Variants in GET4 observed in about 807,000 individuals in gnomAD.
The protein encoded by GET4 is Golgi to ER traffic protein 4 homolog.
In GET4, 20 loss-of-function variants were observed where a neutral mutation model predicts 40.0. The observed-to-expected ratio is 0.50, with a 90% CI of 0.35 to 0.73. GET4 has a LOEUF of 0.73. Ranked by LOEUF, GET4 falls within the 30% of genes least tolerant of loss-of-function variation. The probability of loss-of-function intolerance (pLI) is 0.01; values close to 1 mark genes in which losing one functional copy is unlikely to be tolerated. For missense variants in GET4, 557 were observed against 454.0 expected (o/e 1.23, Z -2.06); for synonymous variants, 280 against 194.6 (o/e 1.44, Z -3.65).
intron 1 of GET4, chr7:881,640 C>T (rs973203781): frequency 6.6e-6 from 1 of 152,078 alleles, no homozygotes; most frequent in Non-Finnish European, 1.5e-5. Flanking sequence ...TTATTTTAGC[C>T]TCGGGCAGGT....
At position 891,026 on chromosome 7, in the gene GET4, C is replaced by A. The variant is rs752030449; in HGVS notation, c.565C>A (p.Arg189Ser). ...GGAGTATTCCACGTCCCGCGGCTTC[C>A]GCAGCGAGGTGGACATGTTCGTGGC... is the stretch of plus-strand genomic sequence containing the variant. ...LVEYSTSRGF[R>S]SEVDMFVAQA... Residue 189 changes from arginine to serine, a missense_variant, in exon 5 of 9, where the codon CGC becomes AGC. Arg to Ser is a moderately radical substitution (Grantham distance 110, BLOSUM62 -1). Coordinates refer to ENST00000265857, the MANE Select transcript of GET4 (RefSeq NM_015949.3). The A allele has an allele frequency of 4.3e-6, 7 of 1,610,302 alleles. No individual in the cohort carries two copies. The highest frequency in any genetic ancestry group is 5.9e-6 in the Non-Finnish European group (7 of 1,177,142).
chr7:892,170 G>A, intron 5 of GET4, 108 bp from the exon 6 acceptor site: 1 of 1,166,908 alleles, frequency 8.6e-7, no homozygotes, highest in Non-Finnish European at 1.2e-6. Flanking sequence ...TTGGGCCGCA[G>A]GAACCGTGGG....
chr7:892,936 C>A (rs929814362), intron 6 of GET4, among the ~76,000 whole-genome samples: 3 of 148,604 alleles, frequency 2.0e-5, no homozygotes, highest in Non-Finnish European at 4.5e-5. Flanking sequence ...TGGGTATAGA[C>A]GTGGCATGGG....
rs1844142648 is a variant in GET4 at position 884,209 on chromosome 7, G to A, written c.156-1847G>A. 8 of 1,303,644 alleles carry A rather than the reference G, an allele frequency of 6.1e-6. No homozygotes were observed. The South Asian group carries it at 9.9e-5, about 16-fold the overall frequency. 80.8% of individuals were successfully genotyped at this position (1,303,644 alleles called of 1,614,324 possible). On this transcript the variant is annotated intron_variant, in intron 1 of 8. Transcript: ENST00000265857. Reference sequence around the variant, plus strand: ...TGCTTGCTCAGGGTCGGTGCATGCGGTTCTGCCCGTGGCCCCACTGGCGGC... The same window carrying A: ...TGCTTGCTCAGGGTCGGTGCATGCGATTCTGCCCGTGGCCCCACTGGCGGC...
At position 877,207 on chromosome 7, in the gene GET4, C is replaced by G. The variant is rs780172056; in HGVS notation, c.155+407C>G. 8.2e-3 allele frequency among the ~76,000 whole-genome samples: 1,213 copies of G among 147,098 alleles called. 7 individuals are homozygous for G. The highest frequency in any genetic ancestry group is 0.013 in the Non-Finnish European group (849 of 66,426). On this transcript the variant is annotated intron_variant, in intron 1 of 8. Coordinates refer to ENST00000265857, the MANE Select transcript of GET4 (RefSeq NM_015949.3). ...CCCCGCCCCACCTTGGTCTCGCTCT[C>G]TCTCTCTCTCTCTCTGGCCTTCTCC... is the stretch of plus-strand genomic sequence containing the variant.
chr7:894,199 G>C lies in GET4; in HGVS notation c.895+228G>C, dbSNP rs560431164. 7.7e-4 allele frequency among the ~76,000 whole-genome samples: 117 copies of C among 151,956 alleles called. 1 individual carries two copies. The highest frequency in any genetic ancestry group is 1.5e-3 in the Non-Finnish European group (100 of 68,022). ...CCACTCCAGAGCTCCCCATCCCTGA[G>C]GTGTCTTCCATTTCCTGGCAGGGAT... On this transcript the variant is annotated intron_variant, in intron 8 of 8. Transcript: ENST00000265857.
In GET4 at chr7:896,294, T is replaced by C. The variant is rs1032678604; in HGVS notation, c.*872T>C. On this transcript the variant is annotated 3_prime_UTR_variant, in exon 9 of 9. Coordinates refer to ENST00000265857, the MANE Select transcript of GET4 (RefSeq NM_015949.3). ...CGATGACAAAAGGGGAGACGCTCTA[T>C]TTTTTCACAGTTAAATGACAGTTGT... is the stretch of plus-strand genomic sequence containing the variant. The C allele has an allele frequency of 1.3e-5, 2 of 152,264 alleles. No individual in the cohort carries two copies. Among genetic ancestry groups the C allele is most frequent in the Non-Finnish European group, 1.5e-5 (1 of 68,048 alleles). The allele number at this position is 152,264 out of a possible 1,614,324, so 9.4% of individuals were successfully genotyped here. A position where few individuals can be genotyped will look rare whatever the true frequency, so the allele number is the denominator to read the frequency against.
chr7:886,982 G>T (rs1355227920), intron 3 of GET4: 1 of 512,832 alleles, frequency 1.9e-6, no homozygotes, highest in Admixed American at 2.9e-5. Flanking sequence ...GTCCTGTCGG[G>T]TGACGTGCGG....
At chr7:892,505 T>C (rs1379654067) in intron 6 of GET4, 87 bp downstream of exon 6, 7 of 1,424,842 alleles carry the variant, frequency 4.9e-6, no homozygotes, top group East Asian at 2.3e-5. Flanking sequence ...TGGGTGTGTG[T>C]GCAAGTGTAG....
rs116926858 is a variant in GET4 at position 892,882 on chromosome 7, G to C, written c.746+464G>C. The stretch of plus-strand genomic sequence containing the variant: ...GGGTGCGTGCAGGTATGTGTGTTGT[G>C]TGTAGACGTGTGGGTAGCTGTGGGG... On this transcript the variant is annotated intron_variant, in intron 6 of 8. Transcript: ENST00000265857. 6.9e-3 allele frequency among the ~76,000 whole-genome samples: 1,048 copies of C among 151,746 alleles called. 17 individuals carry two copies. The highest frequency in any genetic ancestry group is 0.037 in the East Asian group (190 of 5,156).
intron 8 of GET4, among the ~76,000 whole-genome samples, chr7:894,558 C>A (rs568268589): frequency 1.3e-5 from 2 of 152,176 alleles, no homozygotes; most frequent in Non-Finnish European, 2.9e-5. Context: ...ATGCCCCCCC[C>A]AGACACCCTG....
chr7:887,781 G>A (rs1036029191), intron 4 of GET4, among the ~76,000 whole-genome samples: 2 of 152,242 alleles, frequency 1.3e-5, no homozygotes, highest in African/African-American at 2.4e-5. Context: ...GGAGGCAGCC[G>A]TGCCTTCACG....
intron 8 of GET4, among the ~76,000 whole-genome samples, chr7:894,496 A>G (rs1463274779): frequency 6.6e-6 from 1 of 152,110 alleles, no homozygotes; most frequent in Non-Finnish European, 1.5e-5. Flanking sequence ...CTCTCCCCAC[A>G]GATGTCTGCC....
chr7:876,589 G>A lies in GET4; in HGVS notation c.-57G>A, dbSNP rs1230019499. 6.1e-6 allele frequency: 7 copies of A among 1,152,528 alleles called. No individual in the cohort carries two copies. The highest frequency in any genetic ancestry group is 7.5e-6 in the Non-Finnish European group (7 of 934,450). The allele number at this position is 1,152,528 out of a possible 1,614,324, so 71.4% of individuals were successfully genotyped here. A position where few individuals can be genotyped will look rare whatever the true frequency, so the allele number is the denominator to read the frequency against. On this transcript the variant is annotated 5_prime_UTR_variant, in exon 1 of 9. Coordinates refer to ENST00000265857, the MANE Select transcript of GET4 (RefSeq NM_015949.3). ...CGGGCGGCCGTCGGGACGGAAGCCGGGAGGCGCTGCCGACCGCGCCTGCGA... is the reference window on the plus strand; with the variant it reads ...CGGGCGGCCGTCGGGACGGAAGCCGAGAGGCGCTGCCGACCGCGCCTGCGA...
chr7:894,713 C>T (rs373622426), intron 8 of GET4, among the ~76,000 whole-genome samples: 2 of 152,218 alleles, frequency 1.3e-5, no homozygotes, highest in African/African-American at 4.8e-5. Context: ...GATGGGGTGA[C>T]GTCGTGGATA....
chr7:878,198 T>C, intron 1 of GET4: 2 of 465,242 alleles, frequency 4.3e-6, no homozygotes, highest in South Asian at 3.1e-5. Flanking sequence ...CTGGGTTAAC[T>C]GCACGCCCCT....
At chr7:889,214 A>G (rs1027045625) in intron 4 of GET4, among the ~76,000 whole-genome samples, 1 of 152,246 alleles carries the variant, frequency 6.6e-6, no homozygotes, top group Non-Finnish European at 1.5e-5. Context: ...CCACTGGGGT[A>G]GGTGCGGGCC....
intron 1 of GET4, among the ~76,000 whole-genome samples, chr7:879,284 C>T (rs1844036134): frequency 1.3e-5 from 2 of 152,248 alleles, no homozygotes; most frequent in Admixed American, 1.3e-4. Flanking sequence ...GAGTGGCCGG[C>T]ACGCCGCGGT....
chr7:895,838 G>A lies in GET4; in HGVS notation c.*416G>A, dbSNP rs1277627826. 6.5e-6 allele frequency: 1 copy of A among 154,896 alleles called. No homozygotes were observed. The highest frequency in any genetic ancestry group is 1.4e-5 in the Non-Finnish European group (1 of 69,866). 9.6% of individuals were successfully genotyped at this position (154,896 alleles called of 1,614,324 possible). A position where few individuals can be genotyped will look rare whatever the true frequency, so the allele number is the denominator to read the frequency against. On this transcript the variant is annotated 3_prime_UTR_variant, in exon 9 of 9. Transcript: ENST00000265857. ...TCACCAAAGCAGGTGCTGGCCCTCGGACCTGAGAGCCCAGCCAGGGCCCAT... is the reference window on the plus strand; with the variant it reads ...TCACCAAAGCAGGTGCTGGCCCTCGAACCTGAGAGCCCAGCCAGGGCCCAT...
Sources: allele counts gnomAD v4.1 joint callset (sites outside exome capture counted in the v4.1 genomes callset), GRCh38; gene constraint gnomAD v4.1.1; transcripts MANE v1.5; gene names NCBI Gene and HGNC (gene_info 2026-07-23, HGNC 2026-07-21).